Variants in DCUN1D4 observed in about 807,000 individuals in gnomAD.
The protein encoded by DCUN1D4 is DCN1-like protein 4.
A neutral mutation model predicts 47.9 loss-of-function variants in DCUN1D4; 22 were observed. The ratio of observed to expected loss-of-function variants is 0.46; its 90% confidence interval spans 0.33 to 0.66. DCUN1D4 has a LOEUF of 0.66. Ranked by LOEUF, DCUN1D4 falls within the 30% of genes least tolerant of loss-of-function variation. The pLI, the probability that DCUN1D4 is intolerant of heterozygous loss-of-function variation, is 0.02. For synonymous variants in DCUN1D4, 121 were observed against 112.2 expected, an observed-to-expected ratio of 1.08 and a Z score of -0.50; for missense variants, 301 against 340.8, an observed-to-expected ratio of 0.88 and a Z score of 0.92.
chr4:51,874,553 G>A (rs1228902169), intron 4 of DCUN1D4, among the ~76,000 whole-genome samples, 168 bp downstream of exon 4: 1 of 152,166 alleles, frequency 6.6e-6, no homozygotes, highest in Non-Finnish European at 1.5e-5. Flanking sequence ...TTGTGTTTTA[G>A]TTTAAAAACG....
intron 3 of DCUN1D4, among the ~76,000 whole-genome samples, chr4:51,869,237 A>C (rs1446233456): frequency 2.0e-5 from 3 of 152,108 alleles, no homozygotes; most frequent in Non-Finnish European, 4.4e-5. Context: ...GAGAGGAAAA[A>C]ATTCTTTTGT....
chr4:51,839,372 T>C (rs1187739113), upstream of DCUN1D4, among the ~76,000 whole-genome samples: 1 of 152,216 alleles, frequency 6.6e-6, no homozygotes, highest in African/African-American at 2.4e-5. Context: ...AAGCTTCAGT[T>C]AACTTACCTG....
chr4:51,916,609 C>A lies in DCUN1D4; in HGVS notation c.*3025C>A, dbSNP rs894406277. The A allele has an allele frequency of 3.3e-5, 5 of 152,470 alleles. No homozygotes were observed. Among genetic ancestry groups the A allele is most frequent in the African/African-American group, 9.7e-5 (4 of 41,424 alleles). 9.4% of individuals were successfully genotyped at this position (152,470 alleles called of 1,614,324 possible). A position where few individuals can be genotyped will look rare whatever the true frequency, so the allele number is the denominator to read the frequency against. ...GGTTGCTTTTTTCATAAAATAATTT[C>A]TATTGGGGGTTACTGTTCAATGACA... On this transcript the variant is annotated 3_prime_UTR_variant, in exon 11 of 11. Coordinates refer to ENST00000334635, the MANE Select transcript of DCUN1D4 (RefSeq NM_001040402.3).
At chr4:51,898,034 G>T (rs978675870) in intron 7 of DCUN1D4, among the ~76,000 whole-genome samples, 1 of 152,212 alleles carries the variant, frequency 6.6e-6, no homozygotes, top group Non-Finnish European at 1.5e-5. Flanking sequence ...ACCAATGGAT[G>T]CTATAACCAT....
Position 51,843,390 on chromosome 4 carries a change from A to C in DCUN1D4, c.25+123A>C, listed in dbSNP as rs528340766. ...ACGCGCCGGGAGCCCCTGCCTGGGA[A>C]CCACCCCTTCCCCTCCCGGGGCCGG... On this transcript the variant is annotated intron_variant, in intron 1 of 10. Transcript: ENST00000334635. 5.5e-5 allele frequency: 73 copies of C among 1,331,772 alleles called. No homozygotes were observed. In the African/African-American group the frequency reaches 1.1e-3, roughly 20 times the overall value. 82.5% of individuals were successfully genotyped at this position (1,331,772 alleles called of 1,614,324 possible).
At chr4:51,862,521 T>C (rs1469599977) in intron 1 of DCUN1D4, among the ~76,000 whole-genome samples, 1 of 152,222 alleles carries the variant, frequency 6.6e-6, no homozygotes, top group Non-Finnish European at 1.5e-5. Flanking sequence ...TCTTTCTTTT[T>C]GTCAGAATGG....
chr4:51,842,458 C>T (rs1721757375), upstream of DCUN1D4, among the ~76,000 whole-genome samples: 2 of 152,234 alleles, frequency 1.3e-5, no homozygotes. Context: ...AAAAGAAGTA[C>T]ATTTCGAAAG....
intron 1 of DCUN1D4, chr4:51,845,338 G>C: frequency 1.1e-6 from 1 of 941,622 alleles, no homozygotes; most frequent in Non-Finnish European, 1.3e-6. Context: ...TGATGGAGGT[G>C]GGTTAGTGGA....
chr4:51,835,743 T>C, the DCUN1D4 span, among the ~76,000 whole-genome samples: 36 of 150,312 alleles, frequency 2.4e-4, no homozygotes, highest in African/African-American at 8.3e-4. Context: ...ATGAGAGAGA[T>C]GGCAAAGGAA....
chr4:51,901,968 C>T (rs1443465940), intron 8 of DCUN1D4, among the ~76,000 whole-genome samples: 2 of 152,046 alleles, frequency 1.3e-5, no homozygotes, highest in African/African-American at 4.8e-5. Flanking sequence ...TGAGCTGTAT[C>T]TTCACAGATT....
At chr4:51,835,930 C>T in the DCUN1D4 span, among the ~76,000 whole-genome samples, 1 of 152,132 alleles carries the variant, frequency 6.6e-6, no homozygotes, top group African/African-American at 2.4e-5. Context: ...TACCTTCCCA[C>T]TGCCTTAAAA....
chr4:51,844,003 G>A (rs1722065030), intron 1 of DCUN1D4, among the ~76,000 whole-genome samples: 1 of 150,428 alleles, frequency 6.6e-6, no homozygotes, highest in African/African-American at 2.5e-5. Flanking sequence ...GGTGGGAGTG[G>A]AAGATGTTGG....
chr4:51,850,499 T>C (rs1210804104), intron 1 of DCUN1D4, among the ~76,000 whole-genome samples: 2 of 152,104 alleles, frequency 1.3e-5, no homozygotes, highest in African/African-American at 4.8e-5. Context: ...GGGACTGGAG[T>C]AGAGTTACCC....
At chr4:51,897,951 A>C (rs959603081) in intron 7 of DCUN1D4, among the ~76,000 whole-genome samples, 1 of 152,238 alleles carries the variant, frequency 6.6e-6, no homozygotes, top group Admixed American at 6.5e-5. Flanking sequence ...ATAGCCAATA[A>C]ATGTAGAAGG....
intron 7 of DCUN1D4, among the ~76,000 whole-genome samples, chr4:51,898,961 A>T (rs1731689415): frequency 6.6e-6 from 1 of 152,210 alleles, no homozygotes; most frequent in Non-Finnish European, 1.5e-5. Context: ...GTGCTTAGGG[A>T]TGAAGTTTCA....
At chr4:51,869,289 ATAT>A (rs1285527438) in intron 3 of DCUN1D4, among the ~76,000 whole-genome samples, 1 of 152,200 alleles carries the variant, frequency 6.6e-6, no homozygotes, top group African/African-American at 2.4e-5. Flanking sequence ...TGAAATAAAA[ATAT>A]TAGCTACTGG....
At chr4:51,908,443 C>T (rs1733224001) in intron 8 of DCUN1D4, among the ~76,000 whole-genome samples, 2 of 152,130 alleles carry the variant, frequency 1.3e-5, no homozygotes, top group Non-Finnish European at 2.9e-5. Flanking sequence ...CTGTCTAATT[C>T]TGACCTTGGG....
At chr4:51,852,318 T>A (rs746143015) in intron 1 of DCUN1D4, among the ~76,000 whole-genome samples, 1 of 152,228 alleles carries the variant, frequency 6.6e-6, no homozygotes, top group Non-Finnish European at 1.5e-5. Flanking sequence ...AAATAGACTT[T>A]GTTATTTTTA....
At chr4:51,911,279 C>T (rs755952368) in intron 9 of DCUN1D4, 105 bp downstream of exon 9, 12 of 1,034,010 alleles carry the variant, frequency 1.2e-5, no homozygotes, top group Non-Finnish European at 1.6e-5. Context: ...ACTTTTCTGC[C>T]TATGTAGGAA....
Sources: gnomAD v4.1 joint callset for allele counts (sites outside exome capture counted in the v4.1 genomes callset) on GRCh38, gnomAD v4.1.1 for gene constraint, MANE v1.5 for transcripts, NCBI Gene and HGNC (gene_info 2026-07-23, HGNC 2026-07-21) for gene names.